The following CEP128 variants were observed in gnomAD, a reference collection of about 807,000 sequenced individuals.
The protein encoded by CEP128 is centrosomal protein 128kDa.
In CEP128, 132 loss-of-function variants were observed where a neutral mutation model predicts 156.7. The observed-to-expected ratio is 0.84, with a 90% CI of 0.73 to 0.97. CEP128 has a LOEUF of 0.97. CEP128 is among the 50% of genes least tolerant of loss of function. The pLI, the probability that CEP128 is intolerant of heterozygous loss-of-function variation, is 0.00. For missense variants in CEP128, 1,252 were observed against 1,281.9 expected, an observed-to-expected ratio of 0.98 and a Z score of 0.36; for synonymous variants, 469 against 448.9, an observed-to-expected ratio of 1.04 and a Z score of -0.57.
intron 7 of CEP128, among the ~76,000 whole-genome samples, chr14:80,897,754 C>T (rs75888877): frequency 3.3e-5 from 5 of 151,498 alleles, no homozygotes; most frequent in African/African-American, 1.2e-4. Context: ...ACTAGTGCAA[C>T]AGACTTCTAT....
At chr14:80,580,472 T>TTACGAGC (rs1296325796) in intron 19 of CEP128, 49 bp from the exon 20 acceptor site, 2 of 1,149,530 alleles carry the variant, frequency 1.7e-6, no homozygotes, top group African/African-American at 3.0e-5. Flanking sequence ...TAAAAACGAG[T>TTACGAGC]TGCCTCTTAT....
At chr14:80,949,355 C>T (rs186601373) in intron 2 of CEP128, among the ~76,000 whole-genome samples, 1 of 151,990 alleles carries the variant, frequency 6.6e-6, no homozygotes, top group East Asian at 1.9e-4. Flanking sequence ...GGACAAACTA[C>T]GGGAGGTAGA....
intron 8 of CEP128, among the ~76,000 whole-genome samples, chr14:80,882,636 T>C (rs1384145787): frequency 1.3e-5 from 2 of 152,160 alleles, no homozygotes; most frequent in East Asian, 1.9e-4. Flanking sequence ...TGCAGCACTA[T>C]TCACAATAGC....
Position 80,559,172 on chromosome 14 carries a change from A to G in CEP128, c.2880+107T>C, listed in dbSNP as rs74064246. 1,151 of 968,868 alleles carry G rather than the reference A, an allele frequency of 1.2e-3. 15 individuals carry two copies. The African/African-American group carries it at 0.017, about 14-fold the overall frequency. 60.0% of individuals were successfully genotyped at this position (968,868 alleles called of 1,614,324 possible). A position where few individuals can be genotyped will look rare whatever the true frequency, so the allele number is the denominator to read the frequency against. ...TTTTCCCCTTTGACATCTTAGATGT[A>G]GTTTTCGAAATGATTTCTGAAACTG... On this transcript the variant is annotated intron_variant, in intron 21 of 24. Coordinates refer to ENST00000555265, the MANE Select transcript of CEP128 (RefSeq NM_152446.5).
At chr14:80,701,047 G>A (rs1250624864) in intron 19 of CEP128, among the ~76,000 whole-genome samples, 1 of 152,174 alleles carries the variant, frequency 6.6e-6, no homozygotes, top group African/African-American at 2.4e-5. Context: ...AGAGGAAGAA[G>A]CTCATCAGAT....
intron 2 of CEP128, among the ~76,000 whole-genome samples, chr14:80,928,901 T>C (rs1025140417): frequency 2.6e-5 from 4 of 151,910 alleles, no homozygotes; most frequent in Non-Finnish European, 2.9e-5. Context: ...AACTAAAAAG[T>C]TTCTGCACAG....
At chr14:80,560,300 C>A (rs1371140235) in intron 20 of CEP128, among the ~76,000 whole-genome samples, 1 of 152,122 alleles carries the variant, frequency 6.6e-6, no homozygotes, top group Non-Finnish European at 1.5e-5. Context: ...TGCCGCGTGC[C>A]TGTAATCCCA....
intron 4 of CEP128, among the ~76,000 whole-genome samples, chr14:80,913,024 A>G (rs1884338508): frequency 1.3e-5 from 2 of 152,218 alleles, no homozygotes; most frequent in Middle Eastern, 3.2e-3. Context: ...AGTAGAAGAT[A>G]GAATTAGTAA....
At chr14:80,657,217 A>G (rs997019290) in intron 19 of CEP128, among the ~76,000 whole-genome samples, 2 of 151,960 alleles carry the variant, frequency 1.3e-5, no homozygotes, top group Non-Finnish European at 2.9e-5. Flanking sequence ...AGATTACGCC[A>G]CTGCGCTCCA....
At chr14:80,897,717 G>C (rs1889411218) in intron 7 of CEP128, among the ~76,000 whole-genome samples, 1 of 152,038 alleles carries the variant, frequency 6.6e-6, no homozygotes, top group South Asian at 2.1e-4. Context: ...CTATAATCCT[G>C]GGTCAGGCCA....
chr14:80,688,637 C>A (rs575801593), intron 19 of CEP128, among the ~76,000 whole-genome samples: 1 of 152,190 alleles, frequency 6.6e-6, no homozygotes, highest in African/African-American at 2.4e-5. Flanking sequence ...CTCCTGGAAA[C>A]CCACATTCAC....
At chr14:80,829,329 GA>G (rs915482237) in intron 13 of CEP128, among the ~76,000 whole-genome samples, 15 of 151,442 alleles carry the variant, frequency 9.9e-5, no homozygotes, top group African/African-American at 3.4e-4. Context: ...ATGGCAACTG[GA>G]AAAAAAAATT....
intron 19 of CEP128, among the ~76,000 whole-genome samples, chr14:80,638,445 C>T (rs1462448402): frequency 6.6e-6 from 1 of 152,090 alleles, no homozygotes; most frequent in Non-Finnish European, 1.5e-5. Flanking sequence ...TCTATGGGCA[C>T]AGAGGACCTG....
intron 19 of CEP128, among the ~76,000 whole-genome samples, chr14:80,729,127 G>GTGTGTGTGTGTGTGT (rs1222842349): frequency 8.7e-6 from 1 of 115,036 alleles, no homozygotes; most frequent in African/African-American, 2.9e-5. Context: ...GTGTGTGTGT[G>GTGTGTGTGTGTGTGT]TTTACCCAGT....
chr14:80,683,619 TAAC>T (rs1476331696), intron 19 of CEP128, among the ~76,000 whole-genome samples: 3 of 152,140 alleles, frequency 2.0e-5, no homozygotes, highest in Non-Finnish European at 4.4e-5. Flanking sequence ...CAATTAGACT[TAAC>T]AGACATCTAC....
intron 23 of CEP128, 43 bp downstream of exon 23, chr14:80,526,826 T>A (rs765052975): frequency 9.2e-7 from 1 of 1,089,880 alleles, no homozygotes. Context: ...GCCTTAAACA[T>A]GGATACTACT....
At chr14:80,595,061 C>T (rs901198958) in intron 19 of CEP128, among the ~76,000 whole-genome samples, 1 of 152,158 alleles carries the variant, frequency 6.6e-6, no homozygotes, top group Admixed American at 6.5e-5. Context: ...ATAGCAAAGA[C>T]TTGGAACCAA....
chr14:80,925,959 G>A (rs1423486748), intron 2 of CEP128, among the ~76,000 whole-genome samples: 1 of 152,062 alleles, frequency 6.6e-6, no homozygotes, highest in Non-Finnish European at 1.5e-5. Context: ...GAGCAGCATC[G>A]AACCGTGTTT....
chr14:80,751,790 T>A (rs1259520209), intron 18 of CEP128, among the ~76,000 whole-genome samples: 1 of 152,052 alleles, frequency 6.6e-6, no homozygotes, highest in Non-Finnish European at 1.5e-5. Context: ...CTACCACGCC[T>A]GGCTAATTTT....
Sources: gnomAD v4.1 joint callset for allele counts (sites outside exome capture counted in the v4.1 genomes callset) on GRCh38, gnomAD v4.1.1 for gene constraint, MANE v1.5 for transcripts, NCBI Gene and HGNC (gene_info 2026-07-23, HGNC 2026-07-21) for gene names.